PBX1: variants seen among roughly 807,000 people sequenced by gnomAD.
PBX1 encodes the protein PBX homeobox 1, also known as pre-B-cell leukemia transcription factor 1.
PBX1 carries 6 observed loss-of-function variants against 53.4 expected under a neutral mutation model. The observed-to-expected ratio is 0.11, with a 90% CI of 0.06 to 0.22. The LOEUF is 0.22. Among genes scored for constraint, PBX1 ranks in the 10% least tolerant of loss-of-function variants. The probability of loss-of-function intolerance (pLI) is 1.00; values close to 1 mark genes in which losing one functional copy is unlikely to be tolerated. For synonymous variants in PBX1, 204 were observed against 212.3 expected (o/e 0.96, Z 0.34); for missense variants, 251 against 551.4 (o/e 0.46, Z 5.46).
At chr1:164,788,088 G>C (rs922710566) in intron 2 of PBX1, among the ~76,000 whole-genome samples, 3 of 151,988 alleles carry the variant, frequency 2.0e-5, no homozygotes, top group African/African-American at 7.2e-5. Context: ...GAGATGAGGG[G>C]GAGGGAGAGA....
intron 2 of PBX1, among the ~76,000 whole-genome samples, chr1:164,745,316 A>G (rs1441553121): frequency 6.6e-6 from 1 of 152,204 alleles, no homozygotes; most frequent in African/African-American, 2.4e-5. Context: ...CTGTGTATTA[A>G]AAGTCCTTTG....
intron 2 of PBX1, among the ~76,000 whole-genome samples, chr1:164,734,732 C>G (rs12075411): frequency 0.4 from 60,198 of 151,938 alleles, 13,021 homozygotes; most frequent in South Asian, 0.69. Context: ...TTTCTCTTGT[C>G]GTTATATTTA....
At chr1:164,648,313 ATTC>A (rs1179828302) in intron 2 of PBX1, among the ~76,000 whole-genome samples, 1 of 152,210 alleles carries the variant, frequency 6.6e-6, no homozygotes, top group African/African-American at 2.4e-5. Flanking sequence ...GCTCTAGGTT[ATTC>A]TTATAGTAAG....
At chr1:164,603,929 ATTTTT>A (rs71583414) in intron 2 of PBX1, among the ~76,000 whole-genome samples, 2,850 of 74,158 alleles carry the variant, frequency 0.038, 8 homozygotes, top group Non-Finnish European at 0.051. Context: ...ATGTCATTTC[ATTTTT>A]TTTTTTTTTT....
chr1:164,594,661 T>A (rs1368351577), intron 2 of PBX1, among the ~76,000 whole-genome samples: 1 of 152,206 alleles, frequency 6.6e-6, no homozygotes, highest in Non-Finnish European at 1.5e-5. Flanking sequence ...AAAGGTGAAA[T>A]TAATTTTAAT....
At chr1:164,647,061 C>G (rs1225279412) in intron 2 of PBX1, among the ~76,000 whole-genome samples, 12 of 152,208 alleles carry the variant, frequency 7.9e-5, no homozygotes, top group Non-Finnish European at 1.6e-4. Context: ...ACCCCTGCAC[C>G]TTTGTTTCAT....
At chr1:164,757,064 A>C (rs1666566412) in intron 2 of PBX1, among the ~76,000 whole-genome samples, 1 of 152,136 alleles carries the variant, frequency 6.6e-6, no homozygotes, top group Non-Finnish European at 1.5e-5. Context: ...GTCAGGAGAA[A>C]GATGCAACAA....
chr1:164,662,077 A>G (rs369522284), intron 2 of PBX1, among the ~76,000 whole-genome samples: 16 of 152,150 alleles, frequency 1.1e-4, no homozygotes, highest in African/African-American at 3.9e-4. Flanking sequence ...TGTAATCCCA[A>G]CACTTTGGGA....
chr1:164,780,093 G>A (rs1667856977), intron 2 of PBX1, among the ~76,000 whole-genome samples: 1 of 152,116 alleles, frequency 6.6e-6, no homozygotes, highest in South Asian at 2.1e-4. Context: ...CTCCCCACAG[G>A]GGTGGGCGCC....
chr1:164,770,992 C>G (rs1667338596), intron 2 of PBX1: 1 of 152,016 alleles, frequency 6.6e-6, no homozygotes, highest in South Asian at 2.1e-4. Context: ...GATGGGTACA[C>G]TTCACTCCCA....
At chr1:164,653,796 A>G (rs1328356229) in intron 2 of PBX1, among the ~76,000 whole-genome samples, 1 of 152,160 alleles carries the variant, frequency 6.6e-6, no homozygotes, top group African/African-American at 2.4e-5. Context: ...AAAGCCTGTC[A>G]TGGCCGCACC....
chr1:164,880,513 C>A (rs373971802), intron 2 of PBX1, among the ~76,000 whole-genome samples: 1 of 152,188 alleles, frequency 6.6e-6, no homozygotes, highest in Non-Finnish European at 1.5e-5. Flanking sequence ...TTTGGCCAAG[C>A]GTTCTTTCTG....
chr1:164,704,607 T>A (rs2102057758), intron 2 of PBX1, among the ~76,000 whole-genome samples: 1 of 152,234 alleles, frequency 6.6e-6, no homozygotes, highest in Admixed American at 6.5e-5. Flanking sequence ...TATTACTGAA[T>A]GTCAGAGCTC....
chr1:164,647,420 C>T (rs1659520611), intron 2 of PBX1, among the ~76,000 whole-genome samples: 1 of 152,082 alleles, frequency 6.6e-6, no homozygotes, highest in Non-Finnish European at 1.5e-5. Flanking sequence ...GGAATCCAGC[C>T]CTGCTGGGAA....
In PBX1 at chr1:164,728,259, A is replaced by G. The variant is rs556230104; in HGVS notation, c.266-64235A>G. Among the ~76,000 whole-genome samples, 5 of 151,858 alleles carry G rather than the reference A, an allele frequency of 3.3e-5. 1 individual carries two copies. Among genetic ancestry groups the G allele is most frequent in the African/African-American group, 1.2e-4 (5 of 41,436 alleles). On this transcript the variant is annotated intron_variant, in intron 2 of 8. Transcript: ENST00000420696. ...TTGAGCCTGGGAGACCGAGGCTGCA[A>G]TGAGCCATGATCGCGCCACTACACT...
At chr1:164,584,593 C>G (rs1477151131) in intron 2 of PBX1, among the ~76,000 whole-genome samples, 1 of 152,074 alleles carries the variant, frequency 6.6e-6, no homozygotes, top group Non-Finnish European at 1.5e-5. Flanking sequence ...GAATAGCTCT[C>G]TGTTTTCTGA....
chr1:164,741,106 C>T (rs959037967), intron 2 of PBX1, among the ~76,000 whole-genome samples: 5 of 152,122 alleles, frequency 3.3e-5, no homozygotes, highest in Admixed American at 3.3e-4. Flanking sequence ...TTTGCCTATC[C>T]TCGATATGGT....
At chr1:164,787,908 G>C (rs913709545) in intron 2 of PBX1, among the ~76,000 whole-genome samples, 1 of 152,292 alleles carries the variant, frequency 6.6e-6, no homozygotes, top group Middle Eastern at 3.4e-3. Flanking sequence ...ATATCTTCAT[G>C]GGCGCAACCC....
At chr1:164,786,782 A>G (rs1668221018) in intron 2 of PBX1, among the ~76,000 whole-genome samples, 1 of 151,486 alleles carries the variant, frequency 6.6e-6, no homozygotes, top group Non-Finnish European at 1.5e-5. Flanking sequence ...CCTGTTGTGA[A>G]AAGGATTCAG....
Sources: gnomAD v4.1 joint callset for allele counts (sites outside exome capture counted in the v4.1 genomes callset) on GRCh38, gnomAD v4.1.1 for gene constraint, MANE v1.5 for transcripts, NCBI Gene and HGNC (gene_info 2026-07-23, HGNC 2026-07-21) for gene names.